KIRREL3: variants seen among roughly 807,000 people sequenced by gnomAD.
The protein encoded by KIRREL3 is kirre like nephrin family adhesion molecule 3, also known as kin of IRRE-like protein 3.
In KIRREL3, 36 loss-of-function variants were observed where a neutral mutation model predicts 89.7. The observed-to-expected ratio is 0.40, with a 90% CI of 0.31 to 0.53. The LOEUF is 0.53. Among genes scored for constraint, KIRREL3 ranks in the 20% least tolerant of loss-of-function variants. The pLI is 0.49. For synonymous variants in KIRREL3, 445 were observed against 441.4 expected, an observed-to-expected ratio of 1.01 and a Z score of -0.10; for missense variants, 864 against 1,056.6, an observed-to-expected ratio of 0.82 and a Z score of 2.53.
At chr11:126,713,025 G>T (rs115378310) in intron 1 of KIRREL3, among the ~76,000 whole-genome samples, 1,862 of 152,232 alleles carry the variant, frequency 0.012, 25 homozygotes, top group African/African-American at 0.043. Flanking sequence ...CTCATCTCAG[G>T]GAGCTCAATC....
chr11:126,542,218 G>C (rs889192101), intron 2 of KIRREL3, among the ~76,000 whole-genome samples: 2 of 152,228 alleles, frequency 1.3e-5, no homozygotes, highest in Non-Finnish European at 2.9e-5. Context: ...AGCCTGCATG[G>C]AGAATCACAG....
intron 1 of KIRREL3, among the ~76,000 whole-genome samples, chr11:126,691,041 T>C (rs1946860355): frequency 6.6e-6 from 1 of 152,216 alleles, no homozygotes; most frequent in Non-Finnish European, 1.5e-5. Context: ...AAACATATGA[T>C]GGGATGTTCA....
Position 126,812,903 on chromosome 11 carries a change from G to A in KIRREL3, c.55+187552C>T, listed in dbSNP as rs1951436635. 6.6e-6 allele frequency among the ~76,000 whole-genome samples: 1 copy of A among 152,146 alleles called. No individual in the cohort carries two copies. The highest frequency in any genetic ancestry group is 6.5e-5 in the Admixed American group (1 of 15,272). ...GAATCTGCGCACCTCTGCTGTGACC[G>A]GGAAGCTGGGCTCTCATTGGAGGTT... On this transcript the variant is annotated intron_variant, in intron 1 of 16. Coordinates refer to ENST00000525144, the MANE Select transcript of KIRREL3 (RefSeq NM_032531.4). The surrounding 1 kb of genome is among the most constrained non-coding windows in gnomAD (Gnocchi z 5.2).
At chr11:126,859,566 T>G (rs1944642600) in intron 1 of KIRREL3, among the ~76,000 whole-genome samples, 1 of 152,176 alleles carries the variant, frequency 6.6e-6, no homozygotes, top group Admixed American at 6.5e-5. Flanking sequence ...CTGCAAAAGC[T>G]TGTTCATAAT....
intron 1 of KIRREL3, among the ~76,000 whole-genome samples, chr11:126,934,146 G>A (rs954596622): frequency 6.6e-6 from 1 of 152,118 alleles, no homozygotes; most frequent in Admixed American, 6.5e-5. Flanking sequence ...AAGCAGAATT[G>A]AGAGCCCAGA....
intron 11 of KIRREL3, among the ~76,000 whole-genome samples, chr11:126,437,887 TACAC>T (rs1054791910): frequency 2.0e-4 from 30 of 152,098 alleles, no homozygotes; most frequent in African/African-American, 6.5e-4. Flanking sequence ...CACTATGACA[TACAC>T]ACACACCATG....
At position 126,669,381 on chromosome 11, in the gene KIRREL3, C is replaced by T. The variant is rs1945832848; in HGVS notation, c.56-106469G>A. 6.6e-6 allele frequency among the ~76,000 whole-genome samples: 1 copy of T among 152,222 alleles called. No individual in the cohort carries two copies. On this transcript the variant is annotated intron_variant, in intron 1 of 16. Transcript: ENST00000525144. This position sits in a 1 kb window ranked among gnomAD's most constrained non-coding sequence, Gnocchi z 5.0. ...TAGTTCTCAGGTGTTGGATCATGTC[C>T]TCTAGAAAACTTTTCCCTATTTAAT...
At chr11:127,002,511 G>C (rs1362614487), upstream of KIRREL3, among the ~76,000 whole-genome samples, 1 of 152,160 alleles carries the variant, frequency 6.6e-6, no homozygotes, top group Non-Finnish European at 1.5e-5. Flanking sequence ...AACACACAGA[G>C]GAGATGAAAA....
At chr11:126,460,109 C>T (rs749046231) in intron 6 of KIRREL3, among the ~76,000 whole-genome samples, 1 of 140,018 alleles carries the variant, frequency 7.1e-6, no homozygotes, top group Admixed American at 7.2e-5. Flanking sequence ...GGAGCGGGAG[C>T]AGGAGGAGGG....
chr11:126,597,180 C>T (rs1591796131), intron 1 of KIRREL3, among the ~76,000 whole-genome samples: 1 of 152,198 alleles, frequency 6.6e-6, no homozygotes, highest in Non-Finnish European at 1.5e-5. Context: ...GAGCCCTTGG[C>T]TCTCTGTGGC....
At chr11:126,961,156 A>C (rs1949074181) in intron 1 of KIRREL3, among the ~76,000 whole-genome samples, 1 of 152,186 alleles carries the variant, frequency 6.6e-6, no homozygotes, top group Non-Finnish European at 1.5e-5. Flanking sequence ...GCCAATTAGC[A>C]ACCCCACAAA....
At chr11:126,992,140 C>T (rs1419598286) in intron 1 of KIRREL3, among the ~76,000 whole-genome samples, 1 of 152,198 alleles carries the variant, frequency 6.6e-6, no homozygotes, top group Non-Finnish European at 1.5e-5. Context: ...CAGGCACCTA[C>T]AAGAAAATTT....
At chr11:126,718,530 G>A (rs1227765222) in intron 1 of KIRREL3, among the ~76,000 whole-genome samples, 4 of 152,346 alleles carry the variant, frequency 2.6e-5, no homozygotes, top group South Asian at 4.1e-4. Context: ...ATTAGCAGCA[G>A]AAGGGCCATC....
At chr11:126,759,076 G>A (rs1022864280) in intron 1 of KIRREL3, among the ~76,000 whole-genome samples, 21 of 152,170 alleles carry the variant, frequency 1.4e-4, no homozygotes, top group African/African-American at 5.1e-4. Flanking sequence ...CTGCATACAG[G>A]AAGAAACTAT....
chr11:126,988,226 A>C (rs1429389200), intron 1 of KIRREL3, among the ~76,000 whole-genome samples: 2 of 152,194 alleles, frequency 1.3e-5, no homozygotes, highest in Non-Finnish European at 2.9e-5. Context: ...AATTCTTTTA[A>C]AGAAATCAGC....
Position 126,455,655 on chromosome 11 carries a change from G to T in KIRREL3, c.848+694C>A, listed in dbSNP as rs970717077. On this transcript the variant is annotated intron_variant, in intron 7 of 16. Transcript: ENST00000525144. The surrounding 1 kb of genome is among the most constrained non-coding windows in gnomAD (Gnocchi z 6.4). ...TACAAAAAAAAAAAAAAATTAGCTG[G>T]CGTGGTGGCGGGCGCCTGTAGTCCC... 4.0e-5 allele frequency among the ~76,000 whole-genome samples: 6 copies of T among 151,332 alleles called. No homozygotes were observed. The highest frequency in any genetic ancestry group is 1.5e-4 in the African/African-American group (6 of 41,278).
intron 1 of KIRREL3, among the ~76,000 whole-genome samples, chr11:126,910,348 G>A (rs1044975592): frequency 1.2e-4 from 18 of 152,286 alleles, no homozygotes; most frequent in African/African-American, 4.1e-4. Context: ...ATCACTGGGG[G>A]TGGTCTTAAG....
At chr11:126,596,607 G>A (rs1942409214) in intron 1 of KIRREL3, among the ~76,000 whole-genome samples, 1 of 152,224 alleles carries the variant, frequency 6.6e-6, no homozygotes, top group South Asian at 2.1e-4. Context: ...TGAAGAGATG[G>A]TTTTTCTCTG....
In KIRREL3 at chr11:126,477,535, A is replaced by G. The variant is rs1957100009; in HGVS notation, c.434-4069T>C. Among the ~76,000 whole-genome samples, 1 of 152,212 alleles carries G rather than the reference A, an allele frequency of 6.6e-6. No individual in the cohort carries two copies. Among genetic ancestry groups the G allele is most frequent in the Non-Finnish European group, 1.5e-5 (1 of 68,022 alleles). ...AAGGGTGAGGGTGGGCTTGGGACGC[A>G]CATCCTGGCTGTAACTGGAGAGGTA... On this transcript the variant is annotated intron_variant, in intron 4 of 16. Coordinates refer to ENST00000525144, the MANE Select transcript of KIRREL3 (RefSeq NM_032531.4). The surrounding 1 kb of genome is among the most constrained non-coding windows in gnomAD (Gnocchi z 4.8).
Sources: gnomAD v4.1 joint callset for allele counts (sites outside exome capture counted in the v4.1 genomes callset) on GRCh38, gnomAD v4.1.1 for gene constraint, Gnocchi (gnomAD v3.1) non-coding constraint, MANE v1.5 for transcripts, NCBI Gene and HGNC (gene_info 2026-07-23, HGNC 2026-07-21) for gene names.